The following NOVA1 variants were observed in gnomAD, a reference collection of about 807,000 sequenced individuals.
NOVA1 encodes RNA-binding protein Nova-1.
Under a neutral mutation model 38.0 loss-of-function variants are expected in NOVA1, and 7 were observed. That is an observed-to-expected ratio of 0.18 (90% confidence interval 0.10 to 0.35). NOVA1 has a LOEUF of 0.35. Ranked by LOEUF, NOVA1 falls within the 10% of genes least tolerant of loss-of-function variation. The pLI, the probability that NOVA1 is intolerant of heterozygous loss-of-function variation, is 1.00. For synonymous variants in NOVA1, 270 were observed against 232.5 expected (o/e 1.16, Z -1.47); for missense variants, 460 against 616.0 (o/e 0.75, Z 2.68).
intron 2 of NOVA1, among the ~76,000 whole-genome samples, chr14:26,520,583 A>G (rs1485434439): frequency 6.6e-6 from 1 of 152,164 alleles, no homozygotes; most frequent in African/African-American, 2.4e-5. Flanking sequence ...ATGGCAGGAC[A>G]TCGCATTGCC....
chr14:26,479,729 A>T, intron 3 of NOVA1: 1 of 400,170 alleles, frequency 2.5e-6, no homozygotes, highest in Non-Finnish European at 4.4e-6. Context: ...TAAAAAGGGC[A>T]ATCACTAAGA....
chr14:26,470,953 A>C (rs1237593360), intron 4 of NOVA1, among the ~76,000 whole-genome samples: 1 of 152,148 alleles, frequency 6.6e-6, no homozygotes, highest in Non-Finnish European at 1.5e-5. Flanking sequence ...ATTAAAACTC[A>C]GTAAAAGACA....
intron 2 of NOVA1, among the ~76,000 whole-genome samples, chr14:26,480,670 T>G (rs1885390757): frequency 6.6e-6 from 1 of 152,064 alleles, no homozygotes; most frequent in African/African-American, 2.4e-5. Context: ...TTACATTGTT[T>G]TTTTTTTTAC....
At chr14:26,597,044 T>C (rs1210766071) in intron 1 of NOVA1, 6 of 1,223,044 alleles carry the variant, frequency 4.9e-6, no homozygotes, top group African/African-American at 3.1e-5. Context: ...AATGGAAAGA[T>C]AGGTCTATTC....
intron 2 of NOVA1, among the ~76,000 whole-genome samples, chr14:26,509,058 C>G (rs148267833): frequency 2.0e-5 from 3 of 152,040 alleles, no homozygotes; most frequent in Admixed American, 2.0e-4. Flanking sequence ...GTTTCTCTAC[C>G]TTGAAAGAAT....
intron 4 of NOVA1, among the ~76,000 whole-genome samples, chr14:26,452,376 G>A (rs1235331491): frequency 6.6e-6 from 1 of 152,074 alleles, no homozygotes; most frequent in Non-Finnish European, 1.5e-5. Context: ...CCAGAGTTAA[G>A]GAAAAGTGAG....
At chr14:26,538,135 A>C (rs1327652909) in intron 2 of NOVA1, among the ~76,000 whole-genome samples, 1 of 152,196 alleles carries the variant, frequency 6.6e-6, no homozygotes, top group Non-Finnish European at 1.5e-5. Context: ...ATCTCAGGAA[A>C]TTAATAAGGC....
chr14:26,592,488 T>G (rs779777941), intron 2 of NOVA1, among the ~76,000 whole-genome samples: 63 of 151,404 alleles, frequency 4.2e-4, no homozygotes, highest in Non-Finnish European at 7.6e-4. Context: ...ATGGATTACG[T>G]AGTACAGCAA....
At position 26,597,723 on chromosome 14, in the gene NOVA1, G is replaced by A. The variant is rs186147303; in HGVS notation, c.-287C>T. On this transcript the variant is annotated 5_prime_UTR_variant, in exon 1 of 5. Coordinates refer to ENST00000539517, the MANE Select transcript of NOVA1 (RefSeq NM_002515.3). The stretch of plus-strand genomic sequence containing the variant: ...CGGAGGGTGAAAGAAGAAGAAGAAA[G>A]GAGACAGGGGGAGAGAGTGGAGAAG... The A allele has an allele frequency of 1.9e-5, 21 of 1,092,736 alleles. No individual in the cohort carries two copies. The allele number at this position is 1,092,736 out of a possible 1,614,324, so 67.7% of individuals were successfully genotyped here. A position where few individuals can be genotyped will look rare whatever the true frequency, so the allele number is the denominator to read the frequency against.
chr14:26,586,198 A>C (rs1807535431), intron 2 of NOVA1, among the ~76,000 whole-genome samples: 1 of 151,366 alleles, frequency 6.6e-6, no homozygotes, highest in Non-Finnish European at 1.5e-5. Flanking sequence ...TGTAGAAGGA[A>C]AAGTCTTCAA....
At chr14:26,543,542 T>G (rs146568012) in intron 2 of NOVA1, among the ~76,000 whole-genome samples, 1 of 152,010 alleles carries the variant, frequency 6.6e-6, no homozygotes, top group Non-Finnish European at 1.5e-5. Flanking sequence ...TTATTCTAAC[T>G]GCCAAGACCA....
chr14:26,503,865 T>A (rs1013603814), intron 2 of NOVA1, among the ~76,000 whole-genome samples: 8 of 152,210 alleles, frequency 5.3e-5, no homozygotes, highest in African/African-American at 1.7e-4. Context: ...AAAATTTACA[T>A]AACAGAACAA....
intron 3 of NOVA1, among the ~76,000 whole-genome samples, chr14:26,478,118 GT>G (rs901436341): frequency 6.6e-6 from 1 of 151,682 alleles, no homozygotes; most frequent in Non-Finnish European, 1.5e-5. Flanking sequence ...TTATCTTGAA[GT>G]TAAATAACAT....
intron 2 of NOVA1, among the ~76,000 whole-genome samples, chr14:26,522,967 A>C (rs1889007760): frequency 6.6e-6 from 1 of 152,130 alleles, no homozygotes; most frequent in East Asian, 1.9e-4. Context: ...AGTTGTCCTA[A>C]ATTAGTGTTT....
chr14:26,460,284 A>G (rs1204722635), intron 4 of NOVA1, among the ~76,000 whole-genome samples: 1 of 150,508 alleles, frequency 6.6e-6, no homozygotes, highest in African/African-American at 2.5e-5. Flanking sequence ...TTTCATTAAT[A>G]CTTGACATAA....
chr14:26,519,970 T>TA (rs1888754160), intron 2 of NOVA1, among the ~76,000 whole-genome samples: 1 of 152,206 alleles, frequency 6.6e-6, no homozygotes, highest in South Asian at 2.1e-4. Context: ...TCAAGGTAGT[T>TA]ATGATCTATT....
chr14:26,501,588 A>T (rs932051995), intron 2 of NOVA1, among the ~76,000 whole-genome samples: 2 of 151,954 alleles, frequency 1.3e-5, no homozygotes, highest in African/African-American at 2.4e-5. Context: ...TTATCTTCTC[A>T]TTAATACATC....
intron 2 of NOVA1, among the ~76,000 whole-genome samples, chr14:26,555,886 A>C (rs1253607988): frequency 6.6e-6 from 1 of 152,190 alleles, no homozygotes; most frequent in Non-Finnish European, 1.5e-5. Context: ...GTTTCTTACA[A>C]TTGTGCAAAA....
At chr14:26,500,716 C>A (rs1887189737) in intron 2 of NOVA1, among the ~76,000 whole-genome samples, 1 of 151,792 alleles carries the variant, frequency 6.6e-6, no homozygotes, top group Non-Finnish European at 1.5e-5. Context: ...TTAGAAATTG[C>A]AGAAAGTATT....
Sources: gnomAD v4.1 joint callset for allele counts (sites outside exome capture counted in the v4.1 genomes callset) on GRCh38, gnomAD v4.1.1 for gene constraint, MANE v1.5 for transcripts, NCBI Gene and HGNC (gene_info 2026-07-23, HGNC 2026-07-21) for gene names.